ERMP1: variants seen among roughly 807,000 people sequenced by gnomAD.
ERMP1 encodes endoplasmic reticulum metallopeptidase 1, also known as Felix-ina.
Under a neutral mutation model 92.0 loss-of-function variants are expected in ERMP1, and 86 were observed. The ratio of observed to expected loss-of-function variants is 0.93; its 90% CI spans 0.79 to 1.12. The LOEUF (loss-of-function observed/expected upper bound fraction) is 1.12. ERMP1 is among the 50% of genes most tolerant of loss of function. The pLI is 0.00. For missense variants in ERMP1, 1,342 were observed against 1,116.3 expected (o/e 1.20, Z -2.88); for synonymous variants, 530 against 412.8 (o/e 1.28, Z -3.44).
intron 10 of ERMP1, among the ~76,000 whole-genome samples, chr9:5,804,230 A>C (rs1828783441): frequency 6.6e-6 from 1 of 152,156 alleles, no homozygotes; most frequent in Non-Finnish European, 1.5e-5. Context: ...TATTCTTAGG[A>C]ATTCCCACCA....
At chr9:5,866,449 C>T (rs1013395056) in intron 5 of ERMP1, among the ~76,000 whole-genome samples, 1 of 152,190 alleles carries the variant, frequency 6.6e-6, no homozygotes, top group Non-Finnish European at 1.5e-5. Flanking sequence ...AGCCTGGGGG[C>T]TGTGCGAGAA....
intron 10 of ERMP1, 64 bp downstream of exon 10, chr9:5,804,963 A>G: frequency 7.9e-7 from 1 of 1,265,388 alleles, no homozygotes; most frequent in Non-Finnish European, 1.1e-6. Flanking sequence ...CACAGAATCT[A>G]GTATGGCTAA....
At chr9:5,811,034 TAAAC>T in intron 7 of ERMP1, 73 bp downstream of exon 7, 1 of 991,114 alleles carries the variant, frequency 1.0e-6, no homozygotes, top group South Asian at 1.5e-5. Flanking sequence ...TGGGAAGATA[TAAAC>T]AAACTGACTG....
intron 4 of ERMP1, among the ~76,000 whole-genome samples, chr9:5,822,768 A>T (rs930324215): frequency 6.6e-6 from 1 of 152,218 alleles, no homozygotes; most frequent in Non-Finnish European, 1.5e-5. Flanking sequence ...CCACTAAAAA[A>T]ATCTATGAGC....
In ERMP1 at chr9:5,805,132, A is replaced by T. The variant is rs746751350; in HGVS notation, c.1809T>A (p.Phe603Leu). ...TCCCGAGGATAGGGGTAAACATCTC[A>T]AATACTGCCCAGATGAGGTACAATG... is the stretch of plus-strand genomic sequence containing the variant. ...LYALYLIWAV[F>L]EMFTPILGRS... Residue 603 changes from phenylalanine (F) to leucine (L), a missense_variant, in exon 10 of 15, where the codon TTT (phenylalanine) becomes TTA (leucine). Transcript: ENST00000339450. The T allele has an allele frequency of 1.9e-6, 3 of 1,613,180 alleles. No homozygotes were observed. In the East Asian group the frequency reaches 6.7e-5, roughly 36 times the overall value.
At position 5,785,893 on chromosome 9, in the gene ERMP1, T is replaced by G. The variant is rs1482787753; in HGVS notation, c.*1251A>C. 1 of 152,216 alleles carries G rather than the reference T, an allele frequency of 6.6e-6. No homozygotes were observed. Among genetic ancestry groups the G allele is most frequent in the Non-Finnish European group, 1.5e-5 (1 of 68,046 alleles). 9.4% of individuals were successfully genotyped at this position (152,216 alleles called of 1,614,324 possible). A position where few individuals can be genotyped will look rare whatever the true frequency, so the allele number is the denominator to read the frequency against. On this transcript the variant is annotated 3_prime_UTR_variant, in exon 15 of 15. Transcript: ENST00000339450. ...GAAAGCTTGCACAGTTTACCATTGA[T>G]CTCACCAATGCCCTCACTGCTGGAA...
chr9:5,860,635 C>G (rs35658095), intron 5 of ERMP1, among the ~76,000 whole-genome samples: 84,154 of 146,454 alleles, frequency 0.57, 24,879 homozygotes, highest in South Asian at 0.7. Flanking sequence ...TTGTAGAGAT[C>G]GGGGGGTCTC....
intron 13 of ERMP1, among the ~76,000 whole-genome samples, chr9:5,793,197 A>G (rs752233677): frequency 3.3e-5 from 5 of 152,072 alleles, no homozygotes; most frequent in Admixed American, 6.6e-5. Flanking sequence ...GTGATGCAGA[A>G]TAGTATTATT....
At chr9:5,823,874 T>G (rs781155578) in intron 4 of ERMP1, 22 bp downstream of exon 4, 2 of 1,494,020 alleles carry the variant, frequency 1.3e-6, no homozygotes, top group Non-Finnish European at 1.9e-6. Context: ...CATTAAAATA[T>G]ACAACGCACA....
intron 6 of ERMP1, chr9:5,856,069 A>G: frequency 2.6e-6 from 1 of 385,072 alleles, no homozygotes; most frequent in Non-Finnish European, 5.2e-6. Flanking sequence ...GGTGAATCCA[A>G]CGTCGGCTGA....
At chr9:5,828,552 C>A (rs780664972) in intron 2 of ERMP1, among the ~76,000 whole-genome samples, 1 of 152,168 alleles carries the variant, frequency 6.6e-6, no homozygotes, top group Admixed American at 6.5e-5. Flanking sequence ...TGCCACCCCT[C>A]GAGACTCAAG....
intron 10 of ERMP1, 42 bp downstream of exon 10, chr9:5,804,985 T>C (rs1451714335): frequency 6.9e-7 from 1 of 1,443,526 alleles, no homozygotes; most frequent in Non-Finnish European, 9.5e-7. Context: ...TTCATATTCA[T>C]ATAAAAAATG....
Position 5,785,777 on chromosome 9 carries a change from CTT to C in ERMP1, c.*1365_*1366del, listed in dbSNP as rs1315400833. Reference sequence around the variant, plus strand: ...ATCACCCAAGATAAATCTAGCCACCCTTTTTTGTTAACTGTGCCTTTTCTTTC... The same window carrying C: ...ATCACCCAAGATAAATCTAGCCACCCTTTTGTTAACTGTGCCTTTTCTTTC... On this transcript the variant is annotated 3_prime_UTR_variant, in exon 15 of 15. Transcript: ENST00000339450. 1.3e-5 allele frequency: 2 copies of C among 152,278 alleles called. No individual in the cohort carries two copies. The highest frequency in any genetic ancestry group is 2.4e-5 in the African/African-American group (1 of 41,394). The allele number at this position is 152,278 out of a possible 1,614,324, so 9.4% of individuals were successfully genotyped here.
chr9:5,859,079 G>T (rs1276824720), intron 6 of ERMP1, among the ~76,000 whole-genome samples: 1 of 152,190 alleles, frequency 6.6e-6, no homozygotes, highest in Admixed American at 6.5e-5. Flanking sequence ...ATCACGGCTA[G>T]CAAGAGGTGA....
intron 8 of ERMP1, among the ~76,000 whole-genome samples, chr9:5,808,828 C>T (rs1407613991): frequency 1.3e-5 from 2 of 152,194 alleles, no homozygotes; most frequent in Admixed American, 6.5e-5. Flanking sequence ...GCCTTGATCT[C>T]ATGGGCTCAG....
upstream of ERMP1, among the ~76,000 whole-genome samples, chr9:5,834,989 G>C (rs1251301828): frequency 6.9e-6 from 1 of 144,512 alleles, no homozygotes; most frequent in South Asian, 2.2e-4. Context: ...GTGTGTGTGT[G>C]TGTGTGTGTG....
intron 9 of ERMP1, 37 bp downstream of exon 9, chr9:5,805,574 T>C: frequency 6.7e-7 from 1 of 1,493,472 alleles, no homozygotes; most frequent in Non-Finnish European, 8.9e-7. Flanking sequence ...TATTTTAAGG[T>C]ATTCTCCCAT....
upstream of ERMP1, among the ~76,000 whole-genome samples, chr9:5,836,334 G>C (rs1830095702): frequency 6.6e-6 from 1 of 152,196 alleles, no homozygotes; most frequent in Non-Finnish European, 1.5e-5. Flanking sequence ...CTGAGGCTCA[G>C]GCTAGCAGAA....
chr9:5,848,429 A>G lies in ERMP1; in HGVS notation n.3199+11039T>C, dbSNP rs145866742. Reference sequence around the variant, plus strand: ...TCTGCCGAGCCATTTCAGACTTCCAAACTCCAGAACTGTCAGATAATACAT... The same window carrying G: ...TCTGCCGAGCCATTTCAGACTTCCAGACTCCAGAACTGTCAGATAATACAT... On this transcript the variant is annotated intron_variant and non_coding_transcript_variant, in intron 6 of 6. Transcript: ENST00000690753. 3.4e-3 allele frequency among the ~76,000 whole-genome samples: 514 copies of G among 152,308 alleles called. 6 individuals are homozygous for G. Among genetic ancestry groups the G allele is most frequent in the African/African-American group, 0.012 (490 of 41,568 alleles).
Sources: allele counts gnomAD v4.1 joint callset (sites outside exome capture counted in the v4.1 genomes callset), GRCh38; gene constraint gnomAD v4.1.1; transcripts MANE v1.5; gene names NCBI Gene and HGNC (gene_info 2026-07-23, HGNC 2026-07-21).